LRP1B: variants seen among roughly 807,000 people sequenced by gnomAD.
LRP1B encodes the protein LDL receptor related protein 1B.
In LRP1B, 217 loss-of-function variants were observed where a neutral mutation model predicts 556.6. That is an observed-to-expected ratio of 0.39 (90% CI 0.35 to 0.44). LRP1B has a LOEUF of 0.44. Ranked by LOEUF, LRP1B falls within the 20% of genes least tolerant of loss-of-function variation. The pLI, the probability that LRP1B is intolerant of heterozygous loss-of-function variation, is 1.00. For synonymous variants in LRP1B, 2,047 were observed against 1,865.8 expected (o/e 1.10, Z -2.50); for missense variants, 5,053 against 5,620.8 (o/e 0.90, Z 3.23).
chr2:140,366,547 G>A (rs1262512473), intron 71 of LRP1B, among the ~76,000 whole-genome samples: 1 of 151,714 alleles, frequency 6.6e-6, no homozygotes, highest in Non-Finnish European at 1.5e-5. Context: ...AGAGAACACA[G>A]AGAAAAACAG....
intron 43 of LRP1B, among the ~76,000 whole-genome samples, chr2:140,561,388 T>C (rs1175860999): frequency 6.6e-6 from 1 of 152,214 alleles, no homozygotes; most frequent in Non-Finnish European, 1.5e-5. Flanking sequence ...TCTTGTCCGA[T>C]CATATTTCTA....
intron 2 of LRP1B, among the ~76,000 whole-genome samples, chr2:141,736,109 T>C (rs1693457790): frequency 6.6e-6 from 1 of 152,024 alleles, no homozygotes; most frequent in Non-Finnish European, 1.5e-5. Context: ...CCAGAAAGAA[T>C]AGAGGCTAAG....
intron 2 of LRP1B, among the ~76,000 whole-genome samples, chr2:141,690,310 TG>T (rs1485422557): frequency 6.7e-6 from 1 of 148,594 alleles, no homozygotes; most frequent in Non-Finnish European, 1.5e-5. Flanking sequence ...TAGTACATGC[TG>T]TGGTACAGGT....
At chr2:141,917,028 A>T (rs6742089) in intron 1 of LRP1B, among the ~76,000 whole-genome samples, 2,887 of 152,316 alleles carry the variant, frequency 0.019, 60 homozygotes, top group African/African-American at 0.06. Context: ...TTAAACCTTC[A>T]TCTTTGCCTT....
At chr2:141,024,727 T>C (rs552335079) in intron 11 of LRP1B, among the ~76,000 whole-genome samples, 1 of 152,138 alleles carries the variant, frequency 6.6e-6, no homozygotes, top group South Asian at 2.1e-4. Flanking sequence ...GGATCAGATA[T>C]AAAAGATTTT....
At chr2:142,031,582 T>A (rs566584246) in intron 1 of LRP1B, among the ~76,000 whole-genome samples, 41 of 148,368 alleles carry the variant, frequency 2.8e-4, no homozygotes, top group African/African-American at 1.0e-3. Flanking sequence ...TCTTAATGTA[T>A]TGAAGAGAAA....
intron 2 of LRP1B, among the ~76,000 whole-genome samples, chr2:141,762,136 G>GCTGACAC (rs1442745211): frequency 9.9e-5 from 15 of 151,768 alleles, no homozygotes; most frequent in Non-Finnish European, 1.8e-4. Flanking sequence ...ATTGGGTGAA[G>GCTGACAC]CTGACACTAT....
intron 3 of LRP1B, among the ~76,000 whole-genome samples, chr2:141,348,742 C>T (rs967984794): frequency 1.3e-5 from 2 of 151,804 alleles, no homozygotes; most frequent in African/African-American, 4.8e-5. Context: ...GTTCAAATAA[C>T]CTGTTGATAT....
intron 6 of LRP1B, among the ~76,000 whole-genome samples, chr2:141,196,349 A>T (rs757050119): frequency 6.6e-6 from 1 of 152,058 alleles, no homozygotes; most frequent in African/African-American, 2.4e-5. Flanking sequence ...AAGCTTATAT[A>T]TAACTTAACG....
chr2:142,009,519 G>T (rs762983973), intron 1 of LRP1B, among the ~76,000 whole-genome samples: 3 of 152,066 alleles, frequency 2.0e-5, no homozygotes, highest in African/African-American at 4.8e-5. Flanking sequence ...ATTTTTGCAC[G>T]TGTTGTATGG....
intron 3 of LRP1B, among the ~76,000 whole-genome samples, chr2:141,313,881 AAC>A (rs1686902332): frequency 1.3e-5 from 2 of 151,190 alleles, no homozygotes; most frequent in South Asian, 4.2e-4. Context: ...TTTTTTTTCA[AAC>A]ACATCTATTC....
At chr2:142,115,966 C>A (rs1222053225) in intron 1 of LRP1B, among the ~76,000 whole-genome samples, 1 of 141,164 alleles carries the variant, frequency 7.1e-6, no homozygotes, top group Admixed American at 7.7e-5. Flanking sequence ...CCTGTAATCC[C>A]AGCACTTTGG....
intron 83 of LRP1B, among the ~76,000 whole-genome samples, chr2:140,303,699 T>A (rs1000533735): frequency 6.6e-6 from 1 of 152,158 alleles, no homozygotes; most frequent in Admixed American, 6.6e-5. Flanking sequence ...AGGGTAGGTG[T>A]GCACAACATG....
chr2:140,700,397 G>A lies in LRP1B; in HGVS notation c.6652C>T (p.Pro2218Ser), dbSNP rs1202920373. 6.2e-7 allele frequency: 1 copy of A among 1,613,340 alleles called. No individual in the cohort carries two copies. Among genetic ancestry groups the A allele is most frequent in the South Asian group, 1.1e-5 (1 of 91,054 alleles). Reference sequence around the variant, plus strand: ...GCTATGACATTCTTGAAATAACGTGGATTCTCATATGGCCTTATTGGGGAA... The same window carrying A: ...GCTATGACATTCTTGAAATAACGTGAATTCTCATATGGCCTTATTGGGGAA... ...LNSPIRPYEN[P>S]RYFKNVIALA... is the part of the protein sequence containing the mutation. The change falls in exon 41 of 91, where the codon CCA (proline) becomes TCA (serine). Residue 2218 changes from proline to serine, a missense_variant. Around this residue, in one of 5 missense-constraint regions of LRP1B, gnomAD observed 3,619 missense variants for 3,931.9 expected, o/e 0.92. Transcript: ENST00000389484.
intron 27 of LRP1B, among the ~76,000 whole-genome samples, chr2:140,860,810 G>A (rs942651077): frequency 6.6e-6 from 1 of 152,074 alleles, no homozygotes; most frequent in African/African-American, 2.4e-5. Flanking sequence ...ACACCTTTGG[G>A]CTGAGTGAGG....
At chr2:141,193,174 C>T (rs1417296497) in intron 6 of LRP1B, among the ~76,000 whole-genome samples, 1 of 151,900 alleles carries the variant, frequency 6.6e-6, no homozygotes, top group African/African-American at 2.4e-5. Flanking sequence ...AGCAGTATGG[C>T]AATTCCTCAA....
At chr2:141,236,648 C>T (rs1683656147) in intron 5 of LRP1B, among the ~76,000 whole-genome samples, 1 of 152,126 alleles carries the variant, frequency 6.6e-6, no homozygotes, top group Non-Finnish European at 1.5e-5. Flanking sequence ...GAGTATAATT[C>T]ATGTCAGAAG....
At chr2:140,988,811 T>C (rs1401806312) in intron 17 of LRP1B, among the ~76,000 whole-genome samples, 2 of 152,124 alleles carry the variant, frequency 1.3e-5, no homozygotes, top group African/African-American at 4.8e-5. Flanking sequence ...AATCAGTTTT[T>C]ATGAATCATA....
At chr2:142,074,578 A>T (rs190672883) in intron 1 of LRP1B, among the ~76,000 whole-genome samples, 1 of 151,928 alleles carries the variant, frequency 6.6e-6, no homozygotes, top group East Asian at 1.9e-4. Flanking sequence ...TCCTGTGGGA[A>T]TATCACATTC....
Sources: allele counts gnomAD v4.1 joint callset (sites outside exome capture counted in the v4.1 genomes callset), GRCh38; gene constraint gnomAD v4.1.1; regional missense constraint gnomAD v4.1.1; transcripts MANE v1.5; gene names NCBI Gene and HGNC (gene_info 2026-07-23, HGNC 2026-07-21).